Variants in FAM234A observed in about 807,000 individuals in gnomAD.
FAM234A encodes the protein protein FAM234A.
In FAM234A, 42 loss-of-function variants were observed where a neutral mutation model predicts 49.1. The observed-to-expected ratio is 0.86, with a 90% CI of 0.67 to 1.11. The LOEUF (loss-of-function observed/expected upper bound fraction) is 1.11, where lower values mean the gene tolerates loss of function less well. Among genes scored for constraint, FAM234A ranks in the 50% least tolerant of loss-of-function variants. The pLI is 0.00. For synonymous variants in FAM234A, 369 were observed against 316.2 expected (o/e 1.17, Z -1.77); for missense variants, 815 against 745.2 (o/e 1.09, Z -1.09).
intron 1 of FAM234A, among the ~76,000 whole-genome samples, chr16:243,956 A>G (rs1306708828): frequency 1.3e-5 from 2 of 151,442 alleles, no homozygotes; most frequent in Non-Finnish European, 2.9e-5. Context: ...TTTTCCCCAC[A>G]GTGGAAAGGA....
rs369312463 is a variant in FAM234A at position 265,006 on chromosome 16, A to G, written c.1643A>G (p.Tyr548Cys). The G allele has an allele frequency of 6.2e-7, 1 of 1,608,406 alleles. No individual in the cohort carries two copies. Residue 548 changes from tyrosine (Y) to cysteine (C), a missense_variant, in exon 13 of 13, where the codon TAC becomes TGC. Coordinates refer to ENST00000399932, the MANE Select transcript of FAM234A (RefSeq NM_032039.4). ...AGGGACCGGTTCTCCCGGCTGCGGT[A>G]CCAGAGTGAGGCGTAGAGGCACGCC... ...AIRDRFSRLR[Y>C]QSEA
intron 1 of FAM234A, among the ~76,000 whole-genome samples, chr16:244,511 C>T (rs2050734788): frequency 6.6e-6 from 1 of 152,074 alleles, no homozygotes; most frequent in South Asian, 2.1e-4. Flanking sequence ...GCTGGTTCTT[C>T]CTCTAAAACT....
Position 262,119 on chromosome 16 carries a change from C to T in FAM234A, c.735C>T (p.Ser245=). Residue 245 remains serine (S), a synonymous_variant, in exon 7 of 13, where the codon AGC becomes AGT. Coordinates refer to ENST00000399932, the MANE Select transcript of FAM234A (RefSeq NM_032039.4). ...EEVSGHLYSG[S]TGHQIGLRGS... ...TTAGTGGCCACCTCTACTCCGGCAG[C>T]ACCGGGCACCAGATTGGCCTCAGAG... 6.2e-7 allele frequency: 1 copy of T among 1,614,046 alleles called. No homozygotes were observed. Among genetic ancestry groups the T allele is most frequent in the Non-Finnish European group, 8.5e-7 (1 of 1,180,020 alleles).
chr16:262,675 G>A (rs908713660), intron 8 of FAM234A, 122 bp downstream of exon 8: 32 of 1,006,772 alleles, frequency 3.2e-5, no homozygotes, highest in African/African-American at 1.2e-4. Flanking sequence ...GGAGGTGCTC[G>A]GGGTACCGCA....
chr16:268,748 C>T (rs1231718134), downstream of FAM234A: 1 of 1,545,510 alleles, frequency 6.5e-7, no homozygotes, highest in Non-Finnish European at 8.7e-7. Context: ...GCAGCCTCAG[C>T]ACGGCACTCT....
intron 1 of FAM234A, among the ~76,000 whole-genome samples, chr16:235,495 G>T (rs1208207602): frequency 6.6e-6 from 1 of 152,174 alleles, no homozygotes; most frequent in Non-Finnish European, 1.5e-5. Flanking sequence ...TTCGTTGGCC[G>T]AGAGTTGTCA....
At chr16:253,332 C>G (rs899326553) in intron 2 of FAM234A, among the ~76,000 whole-genome samples, 1 of 152,108 alleles carries the variant, frequency 6.6e-6, no homozygotes, top group African/African-American at 2.4e-5. Context: ...CCTGTCCTCC[C>G]CTGCGGACTT....
intron 1 of FAM234A, among the ~76,000 whole-genome samples, chr16:248,011 A>G (rs749142940): frequency 6.6e-6 from 1 of 152,016 alleles, no homozygotes; most frequent in Non-Finnish European, 1.5e-5. Flanking sequence ...TCATCTGGTT[A>G]AGTCAATTGC....
In FAM234A at chr16:250,695, C is replaced by T. The variant is rs1283789989; in HGVS notation, c.-34+1041C>T. On this transcript the variant is annotated intron_variant, in intron 2 of 12. Coordinates refer to ENST00000399932, the MANE Select transcript of FAM234A (RefSeq NM_032039.4). ...TATTTTCATCATCCCACAAAGAAAC[C>T]CTCAGCCCATAGCAGTCATTCCCGA... is the stretch of plus-strand genomic sequence containing the variant. 2.6e-5 allele frequency among the ~76,000 whole-genome samples: 4 copies of T among 152,042 alleles called. No homozygotes were observed. In the South Asian group the frequency reaches 6.2e-4, roughly 24 times the overall value.
rs1469226719 is a variant in FAM234A, at chr16:262,155, T to C, written c.771T>C (p.Gly257=). The change falls in exon 7 of 13, where the codon GGT becomes GGC. Residue 257 remains glycine, a synonymous_variant. Transcript: ENST00000399932. The stretch of plus-strand genomic sequence containing the variant: ...AGATTGGCCTCAGAGGCAGCCTTGG[T>C]GTGGACGGGGAAAGTGGCTTCCTCC... ...GHQIGLRGSL[G]VDGESGFLLH... The C allele has an allele frequency of 1.2e-6, 2 of 1,613,940 alleles. No homozygotes were observed. The highest frequency in any genetic ancestry group is 1.7e-6 in the Non-Finnish European group (2 of 1,180,024).
At chr16:254,268 A>G (rs1468670138) in intron 2 of FAM234A, 113 bp from the exon 3 acceptor site, 1 of 780,800 alleles carries the variant, frequency 1.3e-6, no homozygotes, top group Non-Finnish European at 2.1e-6. Context: ...CTGGTGGCCC[A>G]TAGTTAGAGC....
chr16:248,871 T>C lies in FAM234A; in HGVS notation c.-139-678T>C, dbSNP rs924753607. Among the ~76,000 whole-genome samples, 14 of 152,086 alleles carry C rather than the reference T, an allele frequency of 9.2e-5. No individual in the cohort carries two copies. In the East Asian group the frequency reaches 2.5e-3, roughly 27 times the overall value. ...CCTAGGCTCAAGCGACCCACCTGCC[T>C]CAGTCCCCCAAAGTGCTGGGATTAC... On this transcript the variant is annotated intron_variant, in intron 1 of 12. Transcript: ENST00000399932.
Position 254,466 on chromosome 16 carries a change from AAAGAAAATCGC to A in FAM234A, c.55_65del (p.Arg19GlyfsTer10). The A allele has an allele frequency of 2.5e-6, 4 of 1,614,232 alleles. No homozygotes were observed. The highest frequency in any genetic ancestry group is 3.4e-6 in the Non-Finnish European group (4 of 1,180,042). On this transcript the variant is annotated frameshift_variant, in exon 3 of 13. Transcript: ENST00000399932. LOFTEE classifies it high-confidence loss of function. ...GAAATCCACCCCTTGAAAAATGAAGAAAGAAAATCGCAGGAAAATCTGGGAAATCCATCAAA... is the reference window on the plus strand; with the variant it reads ...GAAATCCACCCCTTGAAAAATGAAGAAGGAAAATCTGGGAAATCCATCAAA...
intron 2 of FAM234A, among the ~76,000 whole-genome samples, chr16:253,409 T>G (rs1412401731): frequency 6.6e-6 from 1 of 152,202 alleles, no homozygotes; most frequent in Non-Finnish European, 1.5e-5. Context: ...CATATTTTAT[T>G]AATAATAATT....
intron 1 of FAM234A, among the ~76,000 whole-genome samples, chr16:242,981 CT>C (rs202179166): frequency 4.5e-3 from 623 of 139,166 alleles, no homozygotes; most frequent in Middle Eastern, 7.4e-3. Context: ...TGAGCCCTCA[CT>C]TTTTTTTTTT....
At chr16:238,047 C>G (rs892770528) in intron 1 of FAM234A, among the ~76,000 whole-genome samples, 1 of 151,864 alleles carries the variant, frequency 6.6e-6, no homozygotes, top group Non-Finnish European at 1.5e-5. Flanking sequence ...GAGATGGATT[C>G]TCGCTCTGTT....
At position 259,574 on chromosome 16, in the gene FAM234A, T is replaced by A. The variant is rs1375087312; in HGVS notation, c.360T>A (p.Asn120Lys). 6.2e-7 allele frequency: 1 copy of A among 1,608,832 alleles called. No individual in the cohort carries two copies. Among genetic ancestry groups the A allele is most frequent in the Non-Finnish European group, 8.5e-7 (1 of 1,175,162 alleles). ...FLYKNTNSSN[N>K]FSRSCVDEGF... ...ATAAAAACACCAACAGCAGCAACAA[T>A]TTCAGCCGATCCTGTGTGGACGAAG... The change falls in exon 4 of 13, where the codon AAT becomes AAA. Residue 120 changes from asparagine to lysine, a missense_variant. Transcript: ENST00000399932.
chr16:235,448 A>G (rs2050365373), intron 1 of FAM234A, among the ~76,000 whole-genome samples: 2 of 152,126 alleles, frequency 1.3e-5, no homozygotes, highest in African/African-American at 2.4e-5. Context: ...AGATGGGAGG[A>G]AAACACTGGG....
chr16:238,634 C>T (rs531874942), intron 1 of FAM234A, among the ~76,000 whole-genome samples: 3 of 151,342 alleles, frequency 2.0e-5, no homozygotes, highest in African/African-American at 7.3e-5. Context: ...GGCGTGGTGA[C>T]GGGTGCCTGT....
Sources: gnomAD v4.1 joint callset for allele counts (sites outside exome capture counted in the v4.1 genomes callset) on GRCh38, gnomAD v4.1.1 for gene constraint, MANE v1.5 for transcripts, NCBI Gene and HGNC (gene_info 2026-07-23, HGNC 2026-07-21) for gene names.